STPG2: variants seen among roughly 807,000 people sequenced by gnomAD.
The protein encoded by STPG2 is sperm-tail PG-rich repeat-containing protein 2.
A neutral mutation model predicts 54.2 loss-of-function variants in STPG2; 56 were observed. The ratio of observed to expected loss-of-function variants is 1.03; its 90% CI spans 0.83 to 1.29. The LOEUF is 1.29. Ranked by LOEUF, STPG2 falls within the 50% of genes most tolerant of loss-of-function variation. The pLI, the probability that STPG2 is intolerant of heterozygous loss-of-function variation, is 0.00. For synonymous variants in STPG2, 200 were observed against 181.8 expected (o/e 1.10, Z -0.81); for missense variants, 596 against 544.9 (o/e 1.09, Z -0.93).
At chr4:97,797,739 C>T (rs548275325) in intron 9 of STPG2, among the ~76,000 whole-genome samples, 6 of 152,140 alleles carry the variant, frequency 3.9e-5, no homozygotes, top group African/African-American at 1.4e-4. Flanking sequence ...TTTCTATTGA[C>T]TGGAATAGTT....
At chr4:97,993,316 C>T (rs530549925) in intron 5 of STPG2, among the ~76,000 whole-genome samples, 1 of 152,196 alleles carries the variant, frequency 6.6e-6, no homozygotes, top group Non-Finnish European at 1.5e-5. Context: ...TTGTCAAATG[C>T]TTTTTCTGTG....
intron 4 of STPG2, among the ~76,000 whole-genome samples, chr4:97,470,038 A>G (rs1327607144): frequency 6.6e-6 from 1 of 152,132 alleles, no homozygotes. Flanking sequence ...TGTAACAGTG[A>G]ATCCTATTGA....
At chr4:97,449,510 A>G (rs891865592) in intron 4 of STPG2, among the ~76,000 whole-genome samples, 1 of 152,224 alleles carries the variant, frequency 6.6e-6, no homozygotes, top group African/African-American at 2.4e-5. Flanking sequence ...AGGAATGTCC[A>G]ACAAATTTTT....
intron 10 of STPG2, among the ~76,000 whole-genome samples, chr4:97,678,105 T>C (rs1416514052): frequency 6.6e-6 from 1 of 151,974 alleles, no homozygotes. Context: ...AAAAAATAAA[T>C]GAAATTGCTA....
chr4:97,462,641 A>AT (rs1010321638), intron 4 of STPG2, among the ~76,000 whole-genome samples: 16 of 150,790 alleles, frequency 1.1e-4, no homozygotes, highest in Admixed American at 2.0e-4. Context: ...TCTTTTTGGT[A>AT]TTTTTTTTTA....
rs115090522 is a variant in STPG2, at chr4:97,929,265, C to T, written c.1044+14632G>A. ...TGTATATGTACTACATTTTCTTTCT[C>T]CAATCTGTCATTGATGAGCATTTGG... On this transcript the variant is annotated intron_variant, in intron 8 of 10. Coordinates refer to ENST00000295268, the MANE Select transcript of STPG2 (RefSeq NM_174952.3). 1.6e-3 allele frequency among the ~76,000 whole-genome samples: 248 copies of T among 152,262 alleles called. 1 individual carries two copies. The highest frequency in any genetic ancestry group is 5.0e-3 in the South Asian group (24 of 4,822).
At chr4:97,487,184 C>G (rs956353911) in intron 4 of STPG2, among the ~76,000 whole-genome samples, 2 of 150,478 alleles carry the variant, frequency 1.3e-5, no homozygotes, top group Non-Finnish European at 3.0e-5. Flanking sequence ...CCTGTCTATA[C>G]CCCAATAACC....
chr4:97,647,877 G>T (rs956918953), intron 10 of STPG2, among the ~76,000 whole-genome samples: 1 of 152,252 alleles, frequency 6.6e-6, no homozygotes, highest in Middle Eastern at 3.4e-3. Flanking sequence ...GCAGGGGCCA[G>T]TGTGGGTCTA....
chr4:97,597,035 A>G (rs1733314019), intron 10 of STPG2, among the ~76,000 whole-genome samples: 1 of 152,126 alleles, frequency 6.6e-6, no homozygotes, highest in Non-Finnish European at 1.5e-5. Flanking sequence ...TAAGAGAAAA[A>G]CAGAGAAGGT....
At chr4:97,566,184 C>T (rs1316835418) in intron 10 of STPG2, among the ~76,000 whole-genome samples, 1 of 152,188 alleles carries the variant, frequency 6.6e-6, no homozygotes, top group Non-Finnish European at 1.5e-5. Flanking sequence ...GCAGTTTGAT[C>T]TCAGACTGCT....
At chr4:97,641,896 C>A (rs531238965) in intron 10 of STPG2, among the ~76,000 whole-genome samples, 1 of 151,562 alleles carries the variant, frequency 6.6e-6, no homozygotes, top group East Asian at 1.9e-4. Context: ...ATACCTGGAG[C>A]AAATATGACA....
chr4:97,657,150 AAAAT>A (rs1345193348), intron 10 of STPG2, among the ~76,000 whole-genome samples: 1 of 152,098 alleles, frequency 6.6e-6, no homozygotes, highest in African/African-American at 2.4e-5. Flanking sequence ...ATAATGGAAT[AAAAT>A]AAGTGGAATA....
chr4:98,134,034 C>T (rs921503169), intron 2 of STPG2, among the ~76,000 whole-genome samples: 7 of 151,874 alleles, frequency 4.6e-5, no homozygotes, highest in Middle Eastern at 3.2e-3. Flanking sequence ...TCCTCTTCTA[C>T]GCATTTTTAC....
At chr4:97,714,519 G>A (rs138850196) in intron 9 of STPG2, among the ~76,000 whole-genome samples, 43 of 152,264 alleles carry the variant, frequency 2.8e-4, no homozygotes, top group African/African-American at 9.9e-4. Flanking sequence ...AAAGTTCCTT[G>A]TGGGAAGCTA....
At chr4:97,964,580 A>G (rs1734020174) in intron 7 of STPG2, among the ~76,000 whole-genome samples, 1 of 152,206 alleles carries the variant, frequency 6.6e-6, no homozygotes, top group Non-Finnish European at 1.5e-5. Flanking sequence ...GAAAAAACTA[A>G]TATCTAAATT....
At chr4:97,618,578 G>A (rs1313026029) in intron 10 of STPG2, among the ~76,000 whole-genome samples, 3 of 152,126 alleles carry the variant, frequency 2.0e-5, no homozygotes, top group Non-Finnish European at 4.4e-5. Context: ...TACTTTTATG[G>A]TTCTAGCTTG....
chr4:97,669,042 T>TAA (rs903138398), intron 10 of STPG2, among the ~76,000 whole-genome samples: 1 of 146,446 alleles, frequency 6.8e-6, no homozygotes, highest in Non-Finnish European at 1.5e-5. Context: ...CCAGAGAGGT[T>TAA]AAAAAAAAAA....
At chr4:97,522,970 C>G (rs1374419266) in intron 4 of STPG2, among the ~76,000 whole-genome samples, 1 of 151,940 alleles carries the variant, frequency 6.6e-6, no homozygotes, top group Non-Finnish European at 1.5e-5. Flanking sequence ...CTCTGTACCA[C>G]CTAAGACATT....
At chr4:97,602,648 T>G (rs1396224943) in intron 10 of STPG2, among the ~76,000 whole-genome samples, 1 of 151,818 alleles carries the variant, frequency 6.6e-6, no homozygotes, top group African/African-American at 2.4e-5. Flanking sequence ...TTGAGTTTTA[T>G]GGGACACTTT....
Sources: allele counts gnomAD v4.1 joint callset (sites outside exome capture counted in the v4.1 genomes callset), GRCh38; gene constraint gnomAD v4.1.1; transcripts MANE v1.5; gene names NCBI Gene and HGNC (gene_info 2026-07-23, HGNC 2026-07-21).